DNAJC13: variants seen among roughly 807,000 people sequenced by gnomAD.
DNAJC13 encodes DnaJ heat shock protein family (Hsp40) member C13.
In DNAJC13, 75 loss-of-function variants were observed where a neutral mutation model predicts 290.5. The ratio of observed to expected loss-of-function variants is 0.26; its 90% CI spans 0.21 to 0.31. The LOEUF is 0.31. Among genes scored for constraint, DNAJC13 ranks in the 10% least tolerant of loss-of-function variants. The pLI is 1.00. For synonymous variants in DNAJC13, 862 were observed against 892.0 expected, an observed-to-expected ratio of 0.97 and a Z score of 0.60; for missense variants, 2,260 against 2,674.5, an observed-to-expected ratio of 0.85 and a Z score of 3.42.
At chr3:132,419,795 G>A (rs1176566969) in intron 1 of DNAJC13, among the ~76,000 whole-genome samples, 1 of 152,152 alleles carries the variant, frequency 6.6e-6, no homozygotes. Context: ...AGTTAAAGGG[G>A]AGTTATTAAT....
At position 132,482,306 on chromosome 3, in the gene DNAJC13, G is replaced by A. The variant is rs1007780751; in HGVS notation, c.2955G>A (p.Arg985=). The A allele has an allele frequency of 2.5e-6, 4 of 1,613,632 alleles. No individual in the cohort carries two copies. Among genetic ancestry groups the A allele is most frequent in the African/African-American group, 1.3e-5 (1 of 74,882 alleles). ...ATTTTGGCAACGCAGACAAAGAAAGGAGTGGCCCGTATGGATTTCATGAGG... is the reference window on the plus strand; with the variant it reads ...ATTTTGGCAACGCAGACAAAGAAAGAAGTGGCCCGTATGGATTTCATGAGG... The part of the protein sequence containing the change: ...EWYFGNADKE[R]SGPYGFHEMQ... Residue 985 remains arginine, a synonymous_variant, in exon 27 of 56, where the codon AGG becomes AGA. Transcript: ENST00000260818.
Position 132,538,314 on chromosome 3 carries a change from G to C in DNAJC13, c.*32G>C, listed in dbSNP as rs1482977753. The C allele has an allele frequency of 1.3e-6, 2 of 1,574,644 alleles. No individual in the cohort carries two copies. Among genetic ancestry groups the C allele is most frequent in the East Asian group, 2.2e-5 (1 of 44,532 alleles). ...CACGAGAGACAATAAACGCTGAAAG[G>C]CCAGTGCCAAGTCCACATTCCTCCA... On this transcript the variant is annotated 3_prime_UTR_variant, in exon 56 of 56. Transcript: ENST00000260818.
intron 1 of DNAJC13, among the ~76,000 whole-genome samples, chr3:132,424,403 C>CA (rs1009571998): frequency 1.6e-4 from 25 of 152,038 alleles, no homozygotes; most frequent in African/African-American, 6.0e-4. Context: ...TAGAAGAGGT[C>CA]AAAAAAAGTA....
chr3:132,521,596 G>A (rs1559911389), intron 48 of DNAJC13, among the ~76,000 whole-genome samples: 1 of 152,120 alleles, frequency 6.6e-6, no homozygotes, highest in Non-Finnish European at 1.5e-5. Context: ...AATTTCTCTG[G>A]TCTTTGTGAG....
intron 24 of DNAJC13, among the ~76,000 whole-genome samples, chr3:132,478,665 G>A (rs1934552758): frequency 6.6e-6 from 1 of 152,170 alleles, no homozygotes; most frequent in Non-Finnish European, 1.5e-5. Flanking sequence ...ACCTGGAAGT[G>A]GGAGGATCAC....
At chr3:132,490,024 C>T (rs1935012592) in intron 31 of DNAJC13, among the ~76,000 whole-genome samples, 1 of 152,084 alleles carries the variant, frequency 6.6e-6, no homozygotes, top group Non-Finnish European at 1.5e-5. Flanking sequence ...GTGTTTATAG[C>T]ACAAGTCTGG....
At chr3:132,488,190 T>G in intron 29 of DNAJC13, 108 bp from the exon 30 acceptor site, 1 of 1,008,234 alleles carries the variant, frequency 9.9e-7, no homozygotes, top group South Asian at 2.5e-5. Context: ...TGGGTTTTTA[T>G]TTTATAATTT....
chr3:132,426,428 G>A (rs539809330), intron 1 of DNAJC13, among the ~76,000 whole-genome samples: 1 of 152,344 alleles, frequency 6.6e-6, no homozygotes, highest in East Asian at 1.9e-4. Flanking sequence ...AGTGACGTTA[G>A]TTTGAGCAGA....
chr3:132,499,257 G>T lies in DNAJC13; in HGVS notation c.4288G>T (p.Val1430Phe). 6.2e-7 allele frequency: 1 copy of T among 1,614,036 alleles called. No individual in the cohort carries two copies. Among genetic ancestry groups the T allele is most frequent in the Non-Finnish European group, 8.5e-7 (1 of 1,179,986 alleles). ...PAATELAFHT[V>F]NCSALNAEEL... is the part of the protein sequence containing the mutation. ...GGCTACAGAGCTAGCTTTCCATACT[G>T]TCAACTGTTCAGCCCTCAATGCTGA... The change falls in exon 37 of 56, where the codon GTC becomes TTC. Residue 1430 changes from valine to phenylalanine, a missense_variant. Val to Phe is a conservative substitution (Grantham distance 50). Transcript: ENST00000260818.
intron 19 of DNAJC13, among the ~76,000 whole-genome samples, chr3:132,466,693 G>A (rs907557920): frequency 2.0e-5 from 3 of 152,144 alleles, no homozygotes; most frequent in African/African-American, 7.2e-5. Flanking sequence ...CAACTTATTG[G>A]TACGTTCTGG....
intron 31 of DNAJC13, among the ~76,000 whole-genome samples, chr3:132,490,418 T>A (rs1157812829): frequency 6.6e-6 from 1 of 152,216 alleles, no homozygotes; most frequent in African/African-American, 2.4e-5. Flanking sequence ...ATAATTACTT[T>A]AAGTAGAAAT....
At chr3:132,524,643 A>G (rs1559912937) in intron 51 of DNAJC13, among the ~76,000 whole-genome samples, 1 of 152,252 alleles carries the variant, frequency 6.6e-6, no homozygotes, top group South Asian at 2.1e-4. Flanking sequence ...TACCAGTGCT[A>G]CTTTCCATAG....
rs531504567 is a variant in DNAJC13 at position 132,472,232 on chromosome 3, G to T, written c.2209-913G>T. ...GCATGAGAGGGAGACCGTGGGGAGA[G>T]GGAGACAGAGGGAGAGGGCTGGAGC... On this transcript the variant is annotated intron_variant, in intron 20 of 55. Transcript: ENST00000260818. Among the ~76,000 whole-genome samples the T allele has an allele frequency of 2.2e-4, 33 of 152,308 alleles. No individual in the cohort carries two copies. The South Asian group carries it at 6.8e-3, about 32-fold the overall frequency.
intron 20 of DNAJC13, among the ~76,000 whole-genome samples, chr3:132,470,544 C>A (rs1934169469): frequency 7.3e-6 from 1 of 137,842 alleles, no homozygotes; most frequent in Non-Finnish European, 1.6e-5. Context: ...AGGGGCTCCT[C>A]ACTTCCCAGT....
At chr3:132,530,871 C>T in intron 54 of DNAJC13, 127 bp from the exon 55 acceptor site, 2 of 701,028 alleles carry the variant, frequency 2.9e-6, no homozygotes. Flanking sequence ...AATGCTAGTT[C>T]TTGCTCCATA....
chr3:132,536,327 G>A (rs1206213930), intron 55 of DNAJC13, among the ~76,000 whole-genome samples: 1 of 152,110 alleles, frequency 6.6e-6, no homozygotes, highest in Non-Finnish European at 1.5e-5. Context: ...GGAGTTCAAG[G>A]CCTGGATAGG....
Position 132,523,016 on chromosome 3 carries a change from A to G in DNAJC13, c.5843+19A>G, listed in dbSNP as rs770400219. 31 of 1,604,366 alleles carry G rather than the reference A, an allele frequency of 1.9e-5. No homozygotes were observed. The Admixed American group carries it at 5.1e-4, about 27-fold the overall frequency. On this transcript the variant is annotated intron_variant, in intron 49 of 55. Transcript: ENST00000260818. ...TGCTAGAGTAAGTAAAAACAAAGGTAATAATTTATAGCCTTTAAATAAAAT... is the reference window on the plus strand; with the variant it reads ...TGCTAGAGTAAGTAAAAACAAAGGTGATAATTTATAGCCTTTAAATAAAAT...
intron 9 of DNAJC13, among the ~76,000 whole-genome samples, chr3:132,454,723 TCAA>T (rs566292054): frequency 6.6e-6 from 1 of 151,886 alleles, no homozygotes; most frequent in Non-Finnish European, 1.5e-5. Context: ...CAGTCTAAGG[TCAA>T]CAAGACTGAA....
intron 36 of DNAJC13, 95 bp downstream of exon 36, chr3:132,496,758 T>C: frequency 9.2e-7 from 1 of 1,085,768 alleles, no homozygotes; most frequent in Non-Finnish European, 1.2e-6. Flanking sequence ...GCATATTTAA[T>C]AGATTTAGAA....
Sources: gnomAD v4.1 joint callset for allele counts (sites outside exome capture counted in the v4.1 genomes callset) on GRCh38, gnomAD v4.1.1 for gene constraint, MANE v1.5 for transcripts, NCBI Gene and HGNC (gene_info 2026-07-23, HGNC 2026-07-21) for gene names.